Variants in TNIK observed in about 807,000 individuals in gnomAD.
The protein encoded by TNIK is TRAF2 and NCK-interacting protein kinase.
A neutral mutation model predicts 191.3 loss-of-function variants in TNIK; 49 were observed. The ratio of observed to expected loss-of-function variants is 0.26; its 90% CI spans 0.20 to 0.32. TNIK has a LOEUF of 0.32. Among genes scored for constraint, TNIK ranks in the 10% least tolerant of loss-of-function variants. The pLI, the probability that TNIK is intolerant of heterozygous loss-of-function variation, is 1.00. For synonymous variants in TNIK, 594 were observed against 600.9 expected (o/e 0.99, Z 0.17); for missense variants, 1,155 against 1,702.3 (o/e 0.68, Z 5.66).
rs1439380347 is a variant in TNIK at position 171,068,993 on chromosome 3, A to G, written c.3554T>C (p.Phe1185Ser). Residue 1185 changes from phenylalanine (F) to serine (S), a missense_variant, in exon 30 of 33, where the codon TTT (phenylalanine) becomes TCT (serine). By Grantham distance (155) the Phe-to-Ser change is radical. Around this residue, in one of 3 missense-constraint regions of TNIK, gnomAD observed 195 missense variants for 415.4 expected, o/e 0.47. Coordinates refer to ENST00000436636, the MANE Select transcript of TNIK (RefSeq NM_015028.4). ...CAGAGGCTTGTGCTGGAGATCTGCAAAAGACTTTAAAAATCACCCCATTAG... is the reference window on the plus strand; with the variant it reads ...CAGAGGCTTGTGCTGGAGATCTGCAGAAGACTTTAAAAATCACCCCATTAG... ...PYHKFMAFKS[F>S]ADLQHKPLLV... is the part of the protein sequence containing the mutation. 9.9e-6 allele frequency: 16 copies of G among 1,611,086 alleles called. No homozygotes were observed. The highest frequency in any genetic ancestry group is 1.4e-5 in the Non-Finnish European group (16 of 1,178,744).
At chr3:171,356,171 A>T (rs941705253) in intron 2 of TNIK, among the ~76,000 whole-genome samples, 20 of 151,104 alleles carry the variant, frequency 1.3e-4, no homozygotes, top group African/African-American at 4.9e-4. Flanking sequence ...CTGAATATAG[A>T]GTTTTTCTGG....
chr3:171,118,691 G>A (rs572070632), intron 18 of TNIK, among the ~76,000 whole-genome samples: 1 of 152,264 alleles, frequency 6.6e-6, no homozygotes, highest in East Asian at 1.9e-4. Context: ...AATGGGGAAA[G>A]GATTCCCTAT....
At position 171,367,759 on chromosome 3, in the gene TNIK, C is replaced by T. The variant is rs116828935; in HGVS notation, c.123+1861G>A. On this transcript the variant is annotated intron_variant, in intron 2 of 32. Transcript: ENST00000436636. ...TGCTGGGATTACAGGCGTGAGCCAC[C>T]GCACCTGGCCAGGCCCCAAAGCATC... is the stretch of plus-strand genomic sequence containing the variant. Among the ~76,000 whole-genome samples, 1,246 of 152,220 alleles carry T rather than the reference C, an allele frequency of 8.2e-3. 17 individuals carry two copies. Among genetic ancestry groups the T allele is most frequent in the African/African-American group, 0.028 (1,172 of 41,524 alleles).
chr3:171,420,267 G>A (rs1414872966), intron 1 of TNIK, among the ~76,000 whole-genome samples: 2 of 152,160 alleles, frequency 1.3e-5, no homozygotes. Context: ...CAAGCATCTA[G>A]TCCTAAACTG....
At position 171,438,907 on chromosome 3, in the gene TNIK, A is replaced by G. The variant is rs115710088; in HGVS notation, c.57+21100T>C. 1.6e-3 allele frequency among the ~76,000 whole-genome samples: 243 copies of G among 152,320 alleles called. 1 individual carries two copies. Among genetic ancestry groups the G allele is most frequent in the African/African-American group, 5.6e-3 (233 of 41,582 alleles). On this transcript the variant is annotated intron_variant, in intron 1 of 32. Coordinates refer to ENST00000436636, the MANE Select transcript of TNIK (RefSeq NM_015028.4). ...AACCCTGTCAAGCACATTTCTAATC[A>G]AAGTTTCAGAGTCCTATGTCCCTCC... is the stretch of plus-strand genomic sequence containing the variant.
chr3:171,084,316 G>C lies in TNIK; in HGVS notation c.3008C>G (p.Thr1003Ser), dbSNP rs775260526. 5.6e-6 allele frequency: 9 copies of C among 1,611,918 alleles called. No homozygotes were observed. The highest frequency in any genetic ancestry group is 1.6e-4 in the Middle Eastern group (1 of 6,080). Residue 1003 changes from threonine (T) to serine (S), a missense_variant, in exon 26 of 33, where the codon ACT becomes AGT. Transcript: ENST00000436636. Reference protein sequence around the residue: ...DEESSAAALFTSELLRQEQAK... With the variant: ...DEESSAAALFSSELLRQEQAK... Reference sequence around the variant, plus strand: ...CTGTTCTTGCCTAAGAAGTTCGCTAGTAAACAGAGCTTTGAGAAAAAGAAT... The same window carrying C: ...CTGTTCTTGCCTAAGAAGTTCGCTACTAAACAGAGCTTTGAGAAAAAGAAT...
intron 18 of TNIK, among the ~76,000 whole-genome samples, chr3:171,122,502 C>A (rs1252006727): frequency 1.3e-5 from 2 of 152,198 alleles, no homozygotes; most frequent in East Asian, 3.8e-4. Context: ...GGTAATTCCA[C>A]ACAGAATGGG....
intron 4 of TNIK, among the ~76,000 whole-genome samples, chr3:171,210,477 T>C (rs1372094184): frequency 6.6e-6 from 1 of 152,136 alleles, no homozygotes; most frequent in Non-Finnish European, 1.5e-5. Context: ...CTGTCAAAGA[T>C]AAAGGACTGT....
chr3:171,230,116 G>T (rs1185965567), intron 2 of TNIK, among the ~76,000 whole-genome samples: 1 of 152,198 alleles, frequency 6.6e-6, no homozygotes, highest in East Asian at 1.9e-4. Context: ...AGATTGATAG[G>T]GAGAGAAGTG....
intron 1 of TNIK, among the ~76,000 whole-genome samples, chr3:171,411,429 G>A (rs1722405760): frequency 1.3e-5 from 2 of 151,898 alleles, no homozygotes; most frequent in Non-Finnish European, 2.9e-5. Flanking sequence ...AAAAAGAGTT[G>A]CCTTTGATCA....
intron 2 of TNIK, among the ~76,000 whole-genome samples, chr3:171,356,450 G>A (rs1186137537): frequency 3.9e-5 from 6 of 152,116 alleles, no homozygotes; most frequent in Non-Finnish European, 8.8e-5. Flanking sequence ...AAATCAATGA[G>A]TAATCACCAA....
chr3:171,386,844 A>T (rs1037786302), intron 1 of TNIK, among the ~76,000 whole-genome samples: 8 of 152,298 alleles, frequency 5.3e-5, no homozygotes, highest in African/African-American at 1.7e-4. Context: ...GTGTTCCAGG[A>T]CCTCTGTTGA....
chr3:171,060,745 C>T lies in TNIK; in HGVS notation c.*3136G>A, dbSNP rs1717739485. Among the ~76,000 whole-genome samples, 1 of 152,144 alleles carries T rather than the reference C, an allele frequency of 6.6e-6. No individual in the cohort carries two copies. The highest frequency in any genetic ancestry group is 2.1e-4 in the South Asian group (1 of 4,820). On this transcript the variant is annotated 3_prime_UTR_variant, in exon 33 of 33. Transcript: ENST00000436636. ...AACTTCACTGGTCATCCATTCCTAC[C>T]ACCACTGGATGCAGGAATCCATGCT...
At position 171,101,543 on chromosome 3, in the gene TNIK, TGGA is replaced by T; in HGVS notation, c.2494_2496del (p.Ser833del). The T allele has an allele frequency of 1.2e-6, 2 of 1,613,552 alleles. No homozygotes were observed. The highest frequency in any genetic ancestry group is 3.3e-4 in the Middle Eastern group (2 of 6,056). On this transcript the variant is annotated inframe_deletion, in exon 22 of 33. Transcript: ENST00000436636. The stretch of plus-strand genomic sequence containing the variant: ...TCCTCGCTACTTTCTGACTCCTCAC[TGGA>T]GGAGGAGTAATCAGTCACCTTCTTC...
At chr3:171,238,076 G>A (rs1004720203) in intron 2 of TNIK, among the ~76,000 whole-genome samples, 13 of 152,168 alleles carry the variant, frequency 8.5e-5, no homozygotes, top group Non-Finnish European at 1.3e-4. Context: ...GATGTCTTCT[G>A]TGTCAGCACA....
chr3:171,113,597 C>T (rs555205021), intron 18 of TNIK, among the ~76,000 whole-genome samples: 1 of 149,982 alleles, frequency 6.7e-6, no homozygotes, highest in East Asian at 2.0e-4. Flanking sequence ...CAGAGCGAGA[C>T]TCTGTCTGTC....
At chr3:171,445,649 T>C (rs1727403417) in intron 1 of TNIK, among the ~76,000 whole-genome samples, 1 of 152,076 alleles carries the variant, frequency 6.6e-6, no homozygotes, top group Admixed American at 6.5e-5. Context: ...CCATCTAAAT[T>C]GGCAACACAG....
At chr3:171,446,209 CAG>C (rs1222740390) in intron 1 of TNIK, among the ~76,000 whole-genome samples, 1 of 152,166 alleles carries the variant, frequency 6.6e-6, no homozygotes, top group Non-Finnish European at 1.5e-5. Context: ...AGATTATAAT[CAG>C]AGAGGGTATT....
chr3:171,432,670 C>T (rs1577918100), intron 1 of TNIK, among the ~76,000 whole-genome samples: 2 of 152,112 alleles, frequency 1.3e-5, no homozygotes, highest in African/African-American at 4.8e-5. Flanking sequence ...TCCTTGTATT[C>T]CCTGACAAAT....
Sources: allele counts gnomAD v4.1 joint callset (sites outside exome capture counted in the v4.1 genomes callset), GRCh38; gene constraint gnomAD v4.1.1; regional missense constraint gnomAD v4.1.1; transcripts MANE v1.5; gene names NCBI Gene and HGNC (gene_info 2026-07-23, HGNC 2026-07-21).